CSMD3: variants seen among roughly 807,000 people sequenced by gnomAD.
CSMD3 encodes CUB and sushi domain-containing protein 3.
Under a neutral mutation model 435.2 loss-of-function variants are expected in CSMD3, and 177 were observed. The ratio of observed to expected loss-of-function variants is 0.41; its 90% CI spans 0.36 to 0.46. The LOEUF (loss-of-function observed/expected upper bound fraction) is 0.46. Ranked by LOEUF, CSMD3 falls within the 20% of genes least tolerant of loss-of-function variation. CSMD3 has a pLI of 0.34. For synonymous variants in CSMD3, 1,656 were observed against 1,520.5 expected, an observed-to-expected ratio of 1.09 and a Z score of -2.07; for missense variants, 4,265 against 4,504.6, an observed-to-expected ratio of 0.95 and a Z score of 1.52.
intron 27 of CSMD3, among the ~76,000 whole-genome samples, chr8:112,524,313 A>G (rs1563656142): frequency 6.6e-6 from 1 of 151,894 alleles, no homozygotes; most frequent in Non-Finnish European, 1.5e-5. Flanking sequence ...ATTCTAGTAT[A>G]TGGGGATGAC....
chr8:113,168,361 A>G (rs766932279), intron 4 of CSMD3, among the ~76,000 whole-genome samples: 3 of 151,818 alleles, frequency 2.0e-5, no homozygotes, highest in Non-Finnish European at 4.4e-5. Flanking sequence ...TCTCTACTGA[A>G]AAAACAAAAA....
intron 63 of CSMD3, among the ~76,000 whole-genome samples, chr8:112,251,770 T>C (rs1815284284): frequency 6.6e-6 from 1 of 151,768 alleles, no homozygotes. Flanking sequence ...ATAATGTACT[T>C]TCCATTGCCC....
At chr8:112,773,502 A>G (rs2078172205) in intron 13 of CSMD3, among the ~76,000 whole-genome samples, 1 of 152,090 alleles carries the variant, frequency 6.6e-6, no homozygotes, top group Non-Finnish European at 1.5e-5. Flanking sequence ...AAGCATGAGA[A>G]TTAGAAAGGT....
intron 1 of CSMD3, among the ~76,000 whole-genome samples, chr8:113,422,056 C>T (rs1454286554): frequency 6.6e-6 from 1 of 152,148 alleles, no homozygotes; most frequent in African/African-American, 2.4e-5. Context: ...TCACTTATCT[C>T]CCCCTGTAAA....
At chr8:112,827,321 C>A (rs1249660782) in intron 12 of CSMD3, among the ~76,000 whole-genome samples, 1 of 150,562 alleles carries the variant, frequency 6.6e-6, no homozygotes, top group Non-Finnish European at 1.5e-5. Flanking sequence ...GTCAGTTGGA[C>A]AAGATGATTT....
chr8:112,535,821 G>A (rs1826020594), intron 27 of CSMD3, among the ~76,000 whole-genome samples: 2 of 152,236 alleles, frequency 1.3e-5, no homozygotes, highest in South Asian at 4.1e-4. Context: ...TAACAAAACA[G>A]AGATATAGAT....
At chr8:112,411,331 G>C (rs527810735) in intron 32 of CSMD3, among the ~76,000 whole-genome samples, 1 of 151,956 alleles carries the variant, frequency 6.6e-6, no homozygotes, top group Admixed American at 6.6e-5. Context: ...GTAATTTGTT[G>C]TAGTTATTAA....
chr8:112,994,613 A>G (rs2085576217), intron 6 of CSMD3, among the ~76,000 whole-genome samples: 2 of 151,614 alleles, frequency 1.3e-5, no homozygotes. Context: ...AATTACTTCT[A>G]TGTTACACTG....
chr8:112,643,836 T>C (rs1021268280), intron 20 of CSMD3, among the ~76,000 whole-genome samples: 6 of 152,084 alleles, frequency 3.9e-5, no homozygotes, highest in Non-Finnish European at 7.4e-5. Flanking sequence ...ACCAAACTAG[T>C]CCTGACATAA....
chr8:112,447,835 AAC>A (rs777734109), intron 32 of CSMD3, among the ~76,000 whole-genome samples: 5 of 152,196 alleles, frequency 3.3e-5, no homozygotes, highest in Non-Finnish European at 7.3e-5. Flanking sequence ...TTTTAACAGA[AAC>A]ACATTGTCAT....
chr8:112,458,510 C>G (rs1817094410), intron 32 of CSMD3, among the ~76,000 whole-genome samples: 1 of 152,012 alleles, frequency 6.6e-6, no homozygotes, highest in Admixed American at 6.6e-5. Flanking sequence ...CACACTACTT[C>G]CTGGTATCCT....
At chr8:113,184,831 C>G (rs948802357) in intron 3 of CSMD3, among the ~76,000 whole-genome samples, 4 of 152,118 alleles carry the variant, frequency 2.6e-5, no homozygotes, top group Non-Finnish European at 4.4e-5. Flanking sequence ...AATGTCTTCT[C>G]TAGCTCTGAA....
At chr8:113,398,811 T>A (rs1472869502) in intron 1 of CSMD3, among the ~76,000 whole-genome samples, 1 of 151,898 alleles carries the variant, frequency 6.6e-6, no homozygotes, top group Non-Finnish European at 1.5e-5. Context: ...CTGGGTCAAA[T>A]TTAGATAAAA....
At chr8:112,560,384 A>G (rs567761455) in intron 24 of CSMD3, among the ~76,000 whole-genome samples, 87 of 151,756 alleles carry the variant, frequency 5.7e-4, no homozygotes, top group African/African-American at 1.9e-3. Context: ...TTCTCACAGT[A>G]CCTATCTAGC....
intron 32 of CSMD3, 150 bp downstream of exon 32, chr8:112,472,441 T>C (rs1012143676): frequency 4.6e-5 from 29 of 637,168 alleles, no homozygotes; most frequent in Non-Finnish European, 7.7e-5. Flanking sequence ...CTCAAAATTG[T>C]ATTATTACAA....
chr8:112,742,464 G>A (rs2077334327), intron 13 of CSMD3, among the ~76,000 whole-genome samples: 1 of 151,826 alleles, frequency 6.6e-6, no homozygotes, highest in Non-Finnish European at 1.5e-5. Context: ...AAGCTGTAAG[G>A]CTCTTTTTTT....
chr8:112,882,052 CA>C (rs2081463784), intron 10 of CSMD3, among the ~76,000 whole-genome samples: 5 of 151,700 alleles, frequency 3.3e-5, no homozygotes, highest in Admixed American at 3.3e-4. Flanking sequence ...ATAATTATAT[CA>C]ATCTAAGAAA....
At chr8:113,254,046 C>T (rs966958885) in intron 3 of CSMD3, among the ~76,000 whole-genome samples, 4 of 152,072 alleles carry the variant, frequency 2.6e-5, no homozygotes, top group African/African-American at 9.7e-5. Flanking sequence ...CAATCTAGAC[C>T]TGCAAACATC....
intron 15 of CSMD3, among the ~76,000 whole-genome samples, chr8:112,685,130 A>G (rs967752948): frequency 2.0e-5 from 3 of 152,176 alleles, no homozygotes; most frequent in African/African-American, 7.2e-5. Context: ...GTTGGCTGAT[A>G]TAACAATTAT....
Sources: gnomAD v4.1 joint callset for allele counts (sites outside exome capture counted in the v4.1 genomes callset) on GRCh38, gnomAD v4.1.1 for gene constraint, MANE v1.5 for transcripts, NCBI Gene and HGNC (gene_info 2026-07-23, HGNC 2026-07-21) for gene names.